The following AFG2A variants were observed in gnomAD, a reference collection of about 807,000 sequenced individuals.
The protein encoded by AFG2A is ATPase family gene 2 protein homolog A.
chr4:123,057,134 A>T, the AFG2A span: 3 of 1,478,632 alleles, frequency 2.0e-6, no homozygotes, highest in Non-Finnish European at 1.9e-6. Flanking sequence ...TTCTAAATAT[A>T]GTTTTAAAAC....
At chr4:123,215,049 G>C in the AFG2A span, among the ~76,000 whole-genome samples, 8 of 151,956 alleles carry the variant, frequency 5.3e-5, no homozygotes, top group Non-Finnish European at 1.0e-4. Context: ...TTGCCTGCAT[G>C]ATAACTGCTT....
chr4:123,229,064 G>T, the AFG2A span, among the ~76,000 whole-genome samples: 2 of 151,726 alleles, frequency 1.3e-5, no homozygotes, highest in Non-Finnish European at 2.9e-5. Flanking sequence ...TGGTTCTAAG[G>T]ATTAAATGAT....
At chr4:122,962,847 A>G in the AFG2A span, among the ~76,000 whole-genome samples, 1 of 152,216 alleles carries the variant, frequency 6.6e-6, no homozygotes, top group South Asian at 2.1e-4. Context: ...GCTATACCAC[A>G]GTTCACACCA....
the AFG2A span, among the ~76,000 whole-genome samples, chr4:123,048,716 A>G: frequency 6.6e-6 from 1 of 152,000 alleles, no homozygotes; most frequent in Non-Finnish European, 1.5e-5. Context: ...TTGTATGTTG[A>G]TTGTGTATCT....
chr4:123,174,632 G>A, the AFG2A span, among the ~76,000 whole-genome samples: 1 of 151,974 alleles, frequency 6.6e-6, no homozygotes. Context: ...CAGAACCATG[G>A]TGGGGAAAAG....
the AFG2A span, among the ~76,000 whole-genome samples, chr4:123,119,338 A>G: frequency 6.6e-6 from 1 of 152,300 alleles, no homozygotes; most frequent in South Asian, 2.1e-4. Flanking sequence ...AATAGACTCA[A>G]CTGATTCTAA....
chr4:123,183,969 C>CATTT, the AFG2A span, among the ~76,000 whole-genome samples: 69 of 151,092 alleles, frequency 4.6e-4, 1 homozygote, highest in African/African-American at 1.2e-3. Context: ...TTCATTCATT[C>CATTT]ATTTATGGTA....
chr4:123,211,163 G>C, the AFG2A span, among the ~76,000 whole-genome samples: 1 of 152,144 alleles, frequency 6.6e-6, no homozygotes. Context: ...AATTTTTATA[G>C]TTTATTAGTA....
chr4:123,093,846 T>C, the AFG2A span, among the ~76,000 whole-genome samples: 1 of 152,208 alleles, frequency 6.6e-6, no homozygotes, highest in Non-Finnish European at 1.5e-5. Flanking sequence ...TTATGTTGAC[T>C]TTAGAAGATA....
chr4:123,301,893 G>GTATA, the AFG2A span, among the ~76,000 whole-genome samples: 1 of 152,106 alleles, frequency 6.6e-6, no homozygotes, highest in African/African-American at 2.4e-5. Flanking sequence ...TTAAGACTGG[G>GTATA]TATAAAGAGA....
At chr4:123,269,445 G>T in the AFG2A span, among the ~76,000 whole-genome samples, 1 of 152,302 alleles carries the variant, frequency 6.6e-6, no homozygotes, top group Non-Finnish European at 1.5e-5. Flanking sequence ...ACATTCTTGT[G>T]ACATGGCTTG....
the AFG2A span, among the ~76,000 whole-genome samples, chr4:122,982,861 CTTCTT>C: frequency 3.7e-3 from 328 of 88,140 alleles, 1 homozygote; most frequent in African/African-American, 0.011. Context: ...CTTTAATCTT[CTTCTT>C]TTTTTTTTTT....
At chr4:122,942,909 G>A in the AFG2A span, among the ~76,000 whole-genome samples, 2 of 151,558 alleles carry the variant, frequency 1.3e-5, no homozygotes, top group Non-Finnish European at 2.9e-5. Flanking sequence ...AGTCATTCAG[G>A]AGCAGGTTGT....
At chr4:123,221,199 A>G in the AFG2A span, among the ~76,000 whole-genome samples, 1 of 152,220 alleles carries the variant, frequency 6.6e-6, no homozygotes, top group African/African-American at 2.4e-5. Flanking sequence ...TCTGTCACCC[A>G]GGCTGGGGTG....
chr4:123,074,726 A>G, the AFG2A span, among the ~76,000 whole-genome samples: 1 of 152,050 alleles, frequency 6.6e-6, no homozygotes, highest in African/African-American at 2.4e-5. Context: ...TTGTATTTTA[A>G]CTTGTTTCAC....
the AFG2A span, among the ~76,000 whole-genome samples, chr4:123,137,833 ATTTC>A: frequency 1.3e-5 from 2 of 152,044 alleles, no homozygotes; most frequent in Admixed American, 6.5e-5. Flanking sequence ...GCATTTTAAA[ATTTC>A]TTTGTTTTGT....
At chr4:122,970,063 A>G in the AFG2A span, among the ~76,000 whole-genome samples, 1 of 152,164 alleles carries the variant, frequency 6.6e-6, no homozygotes, top group Admixed American at 6.6e-5. Context: ...GCCTAAGTGG[A>G]TAGTGTTTAC....
At chr4:123,302,792 TC>T in the AFG2A span, among the ~76,000 whole-genome samples, 1 of 152,106 alleles carries the variant, frequency 6.6e-6, no homozygotes, top group Non-Finnish European at 1.5e-5. Flanking sequence ...ATAAAACTGA[TC>T]CTAAAACAAG....
the AFG2A span, among the ~76,000 whole-genome samples, chr4:123,054,890 C>T: frequency 6.6e-5 from 10 of 152,104 alleles, no homozygotes; most frequent in African/African-American, 1.9e-4. Flanking sequence ...TATTTTTCCC[C>T]TTTACTATTC....
Sources: allele counts gnomAD v4.1 joint callset (sites outside exome capture counted in the v4.1 genomes callset), GRCh38; gene constraint gnomAD v4.1.1; transcripts MANE v1.5; gene names NCBI Gene and HGNC (gene_info 2026-07-23, HGNC 2026-07-21).